Variants in GABRG3 observed in about 807,000 individuals in gnomAD.
GABRG3 encodes gamma-aminobutyric acid receptor subunit gamma-3.
In GABRG3, 25 loss-of-function variants were observed where a neutral mutation model predicts 48.8. The observed-to-expected ratio is 0.51, with a 90% CI of 0.37 to 0.72. The LOEUF (loss-of-function observed/expected upper bound fraction) is 0.72, where lower values mean the gene tolerates loss of function less well. Ranked by LOEUF, GABRG3 falls within the 30% of genes least tolerant of loss-of-function variation. The pLI, the probability that GABRG3 is intolerant of heterozygous loss-of-function variation, is 0.00. For missense variants in GABRG3, 394 were observed against 577.9 expected (o/e 0.68, Z 3.26); for synonymous variants, 227 against 217.6 (o/e 1.04, Z -0.38).
intron 3 of GABRG3, among the ~76,000 whole-genome samples, chr15:27,305,042 C>G (rs1383002271): frequency 2.6e-5 from 4 of 151,830 alleles, no homozygotes; most frequent in African/African-American, 9.7e-5. Flanking sequence ...TTAGGTGTCA[C>G]AACTATGAGA....
intron 3 of GABRG3, among the ~76,000 whole-genome samples, chr15:27,324,341 C>G (rs767831062): frequency 2.0e-5 from 3 of 152,110 alleles, no homozygotes; most frequent in Non-Finnish European, 2.9e-5. Flanking sequence ...AGTGTATGTA[C>G]TAAGGTGGAA....
chr15:27,481,089 G>A (rs1286511526), intron 6 of GABRG3: 2 of 1,153,936 alleles, frequency 1.7e-6, no homozygotes, highest in East Asian at 4.1e-5. Flanking sequence ...TGCTGATGGG[G>A]AGAGTTCTGC....
intron 3 of GABRG3, among the ~76,000 whole-genome samples, chr15:27,124,026 T>C (rs143500218): frequency 3.5e-4 from 54 of 152,286 alleles, no homozygotes; most frequent in African/African-American, 9.9e-4. Flanking sequence ...TTTAGTGGGC[T>C]GAATTAAATT....
chr15:27,274,086 G>A (rs1458290641), intron 3 of GABRG3, among the ~76,000 whole-genome samples: 2 of 152,128 alleles, frequency 1.3e-5, no homozygotes, highest in Admixed American at 1.3e-4. Context: ...ACAACATGGC[G>A]GTCATGATGC....
At position 27,352,064 on chromosome 15, in the gene GABRG3, C is replaced by CGT. The variant is rs148604118; in HGVS notation, c.574+23187_574+23188dup. On this transcript the variant is annotated intron_variant, in intron 5 of 9. Transcript: ENST00000615808. The surrounding 1 kb of genome is among the most constrained non-coding windows in gnomAD (Gnocchi z 4.0). Reference sequence around the variant, plus strand: ...GTGTGTGTGTATGGTATGTGTGTATCGTGTGTGTGTGTATGGTGCATGTGT... The same window carrying CGT: ...GTGTGTGTGTATGGTATGTGTGTATCGTGTGTGTGTGTGTATGGTGCATGTGT... 2.4e-5 allele frequency among the ~76,000 whole-genome samples: 3 copies of CGT among 124,444 alleles called. No homozygotes were observed. Among genetic ancestry groups the CGT allele is most frequent in the African/African-American group, 6.3e-5 (2 of 31,980 alleles). 81.6% of individuals were successfully genotyped at this position (124,444 alleles called of 152,430 possible).
chr15:27,359,168 C>A (rs987216647), intron 5 of GABRG3, among the ~76,000 whole-genome samples: 1 of 152,240 alleles, frequency 6.6e-6, no homozygotes, highest in Non-Finnish European at 1.5e-5. Flanking sequence ...TCTCCCACTG[C>A]ACCAAGATTG....
chr15:27,188,877 T>C (rs1000881570), intron 3 of GABRG3, among the ~76,000 whole-genome samples: 22 of 150,654 alleles, frequency 1.5e-4, no homozygotes, highest in Non-Finnish European at 3.0e-4. Flanking sequence ...CGTTTAAGTC[T>C]TTAATCCATC....
intron 3 of GABRG3, among the ~76,000 whole-genome samples, chr15:27,086,658 C>T (rs1337909294): frequency 6.6e-6 from 1 of 152,060 alleles, no homozygotes; most frequent in African/African-American, 2.4e-5. Context: ...AGCATTTTTT[C>T]AATGGGCGGT....
At chr15:27,086,285 C>T (rs1304883792) in intron 3 of GABRG3, among the ~76,000 whole-genome samples, 6 of 152,114 alleles carry the variant, frequency 3.9e-5, no homozygotes, top group Admixed American at 3.9e-4. Flanking sequence ...CATCTGTGAG[C>T]AGCCTGCTCC....
At chr15:27,403,929 C>A (rs113564801) in intron 5 of GABRG3, among the ~76,000 whole-genome samples, 7,604 of 82,900 alleles carry the variant, frequency 0.092, 272 homozygotes, top group Middle Eastern at 0.24. Flanking sequence ...AAAAAAAAAA[C>A]AAAAAAAAAA....
intron 6 of GABRG3, among the ~76,000 whole-genome samples, chr15:27,513,807 T>A (rs940101798): frequency 1.3e-5 from 2 of 151,982 alleles, no homozygotes; most frequent in East Asian, 1.9e-4. Context: ...AAGAAAAAAA[T>A]TAAAACACGA....
intron 3 of GABRG3, among the ~76,000 whole-genome samples, chr15:27,127,057 A>G (rs1897833942): frequency 6.6e-6 from 1 of 152,156 alleles, no homozygotes; most frequent in South Asian, 2.1e-4. Context: ...CATTAAAAGA[A>G]AAAGATGATC....
At chr15:26,973,690 C>T (rs1780310989) in intron 1 of GABRG3, among the ~76,000 whole-genome samples, 1 of 152,286 alleles carries the variant, frequency 6.6e-6, no homozygotes, top group East Asian at 1.9e-4. Flanking sequence ...CCCACTCAGA[C>T]CTTGGTGATG....
In GABRG3 at chr15:27,118,510, A is replaced by G. The variant is rs151242184; in HGVS notation, c.270+91689A>G. Among the ~76,000 whole-genome samples the G allele has an allele frequency of 1.9e-3, 292 of 152,318 alleles. 2 individuals are homozygous for G. The highest frequency in any genetic ancestry group is 6.6e-3 in the African/African-American group (276 of 41,572). On this transcript the variant is annotated intron_variant, in intron 3 of 9. Coordinates refer to ENST00000615808, the MANE Select transcript of GABRG3 (RefSeq NM_033223.5). Reference sequence around the variant, plus strand: ...GTCCATTAGTGTCATTTGTGCATGTACTTAATATACAACTACTGTGCATCT... The same window carrying G: ...GTCCATTAGTGTCATTTGTGCATGTGCTTAATATACAACTACTGTGCATCT...
At chr15:27,523,632 A>G (rs1891208709) in intron 7 of GABRG3, among the ~76,000 whole-genome samples, 1 of 151,912 alleles carries the variant, frequency 6.6e-6, no homozygotes, top group Admixed American at 6.5e-5. Flanking sequence ...CTTCAACTAA[A>G]TGAAAAAATA....
intron 3 of GABRG3, among the ~76,000 whole-genome samples, chr15:27,126,249 A>G (rs1325245312): frequency 2.6e-5 from 4 of 152,208 alleles, no homozygotes; most frequent in Non-Finnish European, 5.9e-5. Context: ...AAGATAAATC[A>G]TATTATCACC....
intron 5 of GABRG3, among the ~76,000 whole-genome samples, chr15:27,380,910 C>T (rs1187173191): frequency 6.6e-6 from 1 of 151,826 alleles, no homozygotes; most frequent in African/African-American, 2.4e-5. Context: ...GGACTACAGG[C>T]GCCTGCCACC....
At chr15:27,015,013 A>G (rs954373428) in intron 2 of GABRG3, among the ~76,000 whole-genome samples, 1 of 152,152 alleles carries the variant, frequency 6.6e-6, no homozygotes, top group African/African-American at 2.4e-5. Context: ...TTTATTACTG[A>G]ATAACAATCT....
At chr15:27,308,427 A>G (rs1211785073) in intron 3 of GABRG3, among the ~76,000 whole-genome samples, 1 of 146,420 alleles carries the variant, frequency 6.8e-6, no homozygotes, top group Non-Finnish European at 1.5e-5. Flanking sequence ...TGTAATGTAA[A>G]CATACCTGTT....
Sources: allele counts gnomAD v4.1 joint callset (sites outside exome capture counted in the v4.1 genomes callset), GRCh38; gene constraint gnomAD v4.1.1; non-coding constraint Gnocchi (gnomAD v3.1); transcripts MANE v1.5; gene names NCBI Gene and HGNC (gene_info 2026-07-23, HGNC 2026-07-21).